CECR2: variants seen among roughly 807,000 people sequenced by gnomAD.
CECR2 encodes CECR2 histone acetyl-lysine reader.
In CECR2, 30 loss-of-function variants were observed where a neutral mutation model predicts 154.5. The observed-to-expected ratio is 0.19, with a 90% CI of 0.15 to 0.26. The LOEUF (loss-of-function observed/expected upper bound fraction) is 0.26. Ranked by LOEUF, CECR2 falls within the 10% of genes least tolerant of loss-of-function variation. The probability of loss-of-function intolerance (pLI) is 1.00; values close to 1 mark genes in which losing one functional copy is unlikely to be tolerated. For missense variants in CECR2, 1,743 were observed against 1,829.3 expected (o/e 0.95, Z 0.86); for synonymous variants, 725 against 683.7 (o/e 1.06, Z -0.94).
chr22:17,434,469 C>T (rs926375504), intron 1 of CECR2, among the ~76,000 whole-genome samples: 2 of 152,148 alleles, frequency 1.3e-5, no homozygotes, highest in African/African-American at 4.8e-5. Context: ...TAGGATTCAC[C>T]GCTTTACATG....
intron 9 of CECR2, among the ~76,000 whole-genome samples, chr22:17,534,410 T>G (rs936294580): frequency 7.9e-5 from 12 of 152,188 alleles, no homozygotes; most frequent in African/African-American, 2.9e-4. Context: ...AGAACCTTTC[T>G]GAAGAAGTTG....
chr22:17,360,160 A>C (rs1382486644), intron 1 of CECR2: 1 of 152,262 alleles, frequency 6.6e-6, no homozygotes, highest in Non-Finnish European at 1.5e-5. Context: ...GGAAATAGAA[A>C]ATCAAGTATA....
rs1555910503 is a variant in CECR2, at chr22:17,447,033, C to CTTTTTTTTT, written c.127-30544_127-30536dup. Among the ~76,000 whole-genome samples the CTTTTTTTTT allele has an allele frequency of 3.5e-5, 4 of 114,102 alleles. 1 individual carries two copies. Among genetic ancestry groups the CTTTTTTTTT allele is most frequent in the East Asian group, 5.9e-4 (2 of 3,386 alleles). 74.9% of individuals were successfully genotyped at this position (114,102 alleles called of 152,430 possible). A position where few individuals can be genotyped will look rare whatever the true frequency, so the allele number is the denominator to read the frequency against. ...GAGTGCTGAGTGGTGCGTTTACAAT[C>CTTTTTTTTT]TTTTTTTTTTTTTTTTTTTGAGACA... On this transcript the variant is annotated intron_variant, in intron 1 of 18. Coordinates refer to ENST00000262608, the MANE Select transcript of CECR2 (RefSeq NM_001290047.2).
chr22:17,360,860 A>G (rs1272939171), intron 1 of CECR2, among the ~76,000 whole-genome samples: 1 of 151,668 alleles, frequency 6.6e-6, no homozygotes, highest in East Asian at 1.9e-4. Flanking sequence ...ACAAACAAAC[A>G]AACAAACAAA....
intron 1 of CECR2, among the ~76,000 whole-genome samples, chr22:17,427,472 A>G (rs2146623118): frequency 6.6e-6 from 1 of 152,118 alleles, no homozygotes; most frequent in South Asian, 2.1e-4. Context: ...GAAGCCGTGG[A>G]CCTCATGGTG....
At chr22:17,454,734 T>C (rs1021516741) in intron 1 of CECR2, among the ~76,000 whole-genome samples, 1 of 152,110 alleles carries the variant, frequency 6.6e-6, no homozygotes, top group Non-Finnish European at 1.5e-5. Context: ...AGAAAAAGCC[T>C]AGGCCTTGTT....
intron 6 of CECR2, 48 bp from the exon 7 acceptor site, chr22:17,504,799 A>G (rs768345519): frequency 6.6e-7 from 1 of 1,515,294 alleles, no homozygotes; most frequent in Non-Finnish European, 9.0e-7. Flanking sequence ...AAATAAGGAA[A>G]GGTCCTCATG....
At chr22:17,487,012 T>A (rs1017369398) in intron 2 of CECR2, among the ~76,000 whole-genome samples, 1 of 152,222 alleles carries the variant, frequency 6.6e-6, no homozygotes, top group African/African-American at 2.4e-5. Flanking sequence ...GGAAGGTCAC[T>A]AATCTAAGGC....
chr22:17,505,164 G>A lies in CECR2; in HGVS notation c.870+148G>A, dbSNP rs1357410641. ...TGTCTGAACTCCAGTGTTAGAATGG[G>A]ACCTCATGCCACCCCCTCTCCTTCA... On this transcript the variant is annotated intron_variant, in intron 7 of 18. Transcript: ENST00000262608. The A allele has an allele frequency of 1.1e-5, 8 of 757,402 alleles. No individual in the cohort carries two copies. The East Asian group carries it at 1.6e-4, about 16-fold the overall frequency. The allele number at this position is 757,402 out of a possible 1,614,324, so 46.9% of individuals were successfully genotyped here. A position where few individuals can be genotyped will look rare whatever the true frequency, so the allele number is the denominator to read the frequency against.
At position 17,548,578 on chromosome 22, in the gene CECR2, C is replaced by T. The variant is rs763292892; in HGVS notation, c.3291C>T (p.Asn1097=). 10 of 1,613,482 alleles carry T rather than the reference C, an allele frequency of 6.2e-6. No homozygotes were observed. Among genetic ancestry groups the T allele is most frequent in the Middle Eastern group, 1.6e-4 (1 of 6,084 alleles). The change falls in exon 17 of 19, where the codon AAC becomes AAT. Residue 1097 remains asparagine (N), a synonymous_variant. Transcript: ENST00000262608. ...AAACCATGCCATGCACGGGACAGAA[C>T]GCAGCGACACCGCCCAGCACAGACC... ...LQETMPCTGQ[N]AATPPSTDPG...
rs566899974 is a variant in CECR2 at position 17,468,652 on chromosome 22, G to A, written c.127-8936G>A. On this transcript the variant is annotated intron_variant, in intron 1 of 18. Transcript: ENST00000262608. ...CATACCACTGCATTTCAGCCTGAGC[G>A]ACAGAGCAAGAACCCTGTCTCTCCA... Among the ~76,000 whole-genome samples, 19 of 152,130 alleles carry A rather than the reference G, an allele frequency of 1.2e-4. No individual in the cohort carries two copies. The South Asian group carries it at 3.3e-3, about 27-fold the overall frequency.
Position 17,542,642 on chromosome 22 carries a change from A to T in CECR2, c.2499A>T (p.Gly833=). ...AACAATCAGGCTTCCTACCTCATGG[A>T]GTTCCTTCCTCAGGGTACATGCGAC... ...WTEQSGFLPH[G]VPSSGYMRPP... Residue 833 remains glycine, a synonymous_variant, in exon 16 of 19, where the codon GGA becomes GGT. Coordinates refer to ENST00000262608, the MANE Select transcript of CECR2 (RefSeq NM_001290047.2). 6 of 1,613,936 alleles carry T rather than the reference A, an allele frequency of 3.7e-6. No individual in the cohort carries two copies. Among genetic ancestry groups the T allele is most frequent in the Non-Finnish European group, 5.1e-6 (6 of 1,179,876 alleles).
chr22:17,429,133 A>T (rs980156207), intron 1 of CECR2, among the ~76,000 whole-genome samples: 1 of 152,046 alleles, frequency 6.6e-6, no homozygotes, highest in Non-Finnish European at 1.5e-5. Flanking sequence ...GTCTGGAATC[A>T]TGGGGAGAAT....
At chr22:17,376,594 A>T (rs1291892161) in intron 1 of CECR2, among the ~76,000 whole-genome samples, 1 of 151,972 alleles carries the variant, frequency 6.6e-6, no homozygotes, top group Non-Finnish European at 1.5e-5. Context: ...GCTTCTAAGT[A>T]CATGGTCTTA....
At position 17,468,190 on chromosome 22, in the gene CECR2, A is replaced by G. The variant is rs544912888; in HGVS notation, c.127-9398A>G. 6.6e-5 allele frequency among the ~76,000 whole-genome samples: 10 copies of G among 152,324 alleles called. No individual in the cohort carries two copies. The South Asian group carries it at 1.9e-3, about 28-fold the overall frequency. ...GTATGCCCTTTGTTGTTGTTTAAGCATCTTACTGAAAATAAGTAATATGTG... is the reference window on the plus strand; with the variant it reads ...GTATGCCCTTTGTTGTTGTTTAAGCGTCTTACTGAAAATAAGTAATATGTG... On this transcript the variant is annotated intron_variant, in intron 1 of 18. Coordinates refer to ENST00000262608, the MANE Select transcript of CECR2 (RefSeq NM_001290047.2).
At chr22:17,521,006 G>T (rs1276065065) in intron 8 of CECR2, among the ~76,000 whole-genome samples, 4 of 152,136 alleles carry the variant, frequency 2.6e-5, no homozygotes, top group Non-Finnish European at 5.9e-5. Context: ...GATCCTTGAG[G>T]AATTGTCACA....
intron 1 of CECR2, among the ~76,000 whole-genome samples, chr22:17,403,877 A>C (rs1227119018): frequency 6.6e-6 from 1 of 152,136 alleles, no homozygotes; most frequent in African/African-American, 2.4e-5. Context: ...TTTTGAATTG[A>C]TAATTTGCAT....
At chr22:17,512,573 G>A (rs939254969) in intron 8 of CECR2, among the ~76,000 whole-genome samples, 5 of 151,488 alleles carry the variant, frequency 3.3e-5, no homozygotes, top group African/African-American at 9.7e-5. Context: ...TGTGGTGGCG[G>A]GCACCTGTAA....
At chr22:17,505,105 C>A (rs2055814655) in intron 7 of CECR2, 89 bp downstream of exon 7, 6 of 1,284,216 alleles carry the variant, frequency 4.7e-6, no homozygotes, top group Non-Finnish European at 6.4e-6. Context: ...CCCCATACAC[C>A]CCACTGTCCT....
Sources: gnomAD v4.1 joint callset for allele counts (sites outside exome capture counted in the v4.1 genomes callset) on GRCh38, gnomAD v4.1.1 for gene constraint, MANE v1.5 for transcripts, NCBI Gene and HGNC (gene_info 2026-07-23, HGNC 2026-07-21) for gene names.